CTNNA2: variants seen among roughly 807,000 people sequenced by gnomAD.
The protein encoded by CTNNA2 is catenin alpha 2.
CTNNA2 carries 42 observed loss-of-function variants against 101.0 expected under a neutral mutation model. The observed-to-expected ratio is 0.42, with a 90% CI of 0.32 to 0.54. The LOEUF (loss-of-function observed/expected upper bound fraction) is 0.54, where lower values mean the gene tolerates loss of function less well. Among genes scored for constraint, CTNNA2 ranks in the 20% least tolerant of loss-of-function variants. The probability of loss-of-function intolerance (pLI) is 0.14; values close to 1 mark genes in which losing one functional copy is unlikely to be tolerated. For missense variants in CTNNA2, 871 were observed against 1,223.1 expected (o/e 0.71, Z 4.29); for synonymous variants, 450 against 456.4 (o/e 0.99, Z 0.18).
intron 2 of CTNNA2, among the ~76,000 whole-genome samples, chr2:79,305,693 C>T (rs1403419780): frequency 1.3e-5 from 2 of 152,166 alleles, no homozygotes; most frequent in Admixed American, 1.3e-4. Flanking sequence ...TAACATAGAT[C>T]AATCTATAGA....
intron 2 of CTNNA2, among the ~76,000 whole-genome samples, chr2:79,221,628 A>G (rs980427443): frequency 6.6e-6 from 1 of 152,062 alleles, no homozygotes; most frequent in African/African-American, 2.4e-5. Context: ...AAAAACTGAC[A>G]AGTCTGTATT....
intron 1 of CTNNA2, among the ~76,000 whole-genome samples, chr2:79,561,700 A>T (rs190023463): frequency 1.3e-5 from 2 of 151,980 alleles, no homozygotes; most frequent in East Asian, 3.9e-4. Context: ...GCATTTTTCT[A>T]GTATGACTCA....
chr2:79,375,193 A>G (rs1191337498), intron 4 of CTNNA2, among the ~76,000 whole-genome samples: 1 of 152,160 alleles, frequency 6.6e-6, no homozygotes, highest in African/African-American at 2.4e-5. Flanking sequence ...TTAAAAAACC[A>G]TACGCTTTAC....
In CTNNA2 at chr2:80,138,977, A is replaced by G. The variant is rs184628878; in HGVS notation, c.1056+229180A>G. On this transcript the variant is annotated intron_variant, in intron 7 of 18. Coordinates refer to ENST00000402739, the MANE Select transcript of CTNNA2 (RefSeq NM_001282597.3). ...CAATTTCCATGTTGACTATATGGTG[A>G]TAATTCTACCAAATGTTTACTTCCC... Among the ~76,000 whole-genome samples the G allele has an allele frequency of 7.9e-5, 12 of 152,262 alleles. No homozygotes were observed. In the East Asian group the frequency reaches 2.3e-3, roughly 29 times the overall value.
Position 79,930,740 on chromosome 2 carries a change from G to T in CTNNA2, c.1056+20943G>T, listed in dbSNP as rs542664803. ...TTCTATGAAGTCATTCCTAATGTGA[G>T]TCCATTCCTCTAGGGAGGTCAACTC... On this transcript the variant is annotated intron_variant, in intron 7 of 18. Transcript: ENST00000402739. Among the ~76,000 whole-genome samples, 37 of 152,320 alleles carry T rather than the reference G, an allele frequency of 2.4e-4. No individual in the cohort carries two copies. The South Asian group carries it at 3.7e-3, about 15-fold the overall frequency.
chr2:80,127,984 A>G (rs979511129), intron 7 of CTNNA2, among the ~76,000 whole-genome samples: 1 of 152,018 alleles, frequency 6.6e-6, no homozygotes, highest in African/African-American at 2.4e-5. Context: ...ATGTTTTGCA[A>G]ACTTTTGGAC....
intron 3 of CTNNA2, among the ~76,000 whole-genome samples, chr2:79,366,830 A>G (rs980792555): frequency 6.6e-6 from 1 of 152,256 alleles, no homozygotes; most frequent in African/African-American, 2.4e-5. Context: ...TAAAATGTAT[A>G]GTATATCAGA....
At chr2:79,209,244 C>G (rs933609010) in intron 2 of CTNNA2, among the ~76,000 whole-genome samples, 2 of 152,116 alleles carry the variant, frequency 1.3e-5, no homozygotes, top group Non-Finnish European at 2.9e-5. Context: ...GAAAAGTATA[C>G]ATTGTATCTA....
intron 1 of CTNNA2, among the ~76,000 whole-genome samples, chr2:79,521,657 A>C (rs894007792): frequency 2.0e-5 from 3 of 152,082 alleles, no homozygotes; most frequent in African/African-American, 7.2e-5. Context: ...GAGGTAAATG[A>C]TTGTTGGGTA....
chr2:79,199,004 C>T (rs1202630208), intron 2 of CTNNA2, among the ~76,000 whole-genome samples: 4 of 152,170 alleles, frequency 2.6e-5, no homozygotes, highest in African/African-American at 7.2e-5. Context: ...TGGAAGCAAA[C>T]TGACTTTCTC....
chr2:79,604,626 T>A (rs556854638), intron 1 of CTNNA2, among the ~76,000 whole-genome samples: 2 of 152,168 alleles, frequency 1.3e-5, no homozygotes, highest in African/African-American at 2.4e-5. Flanking sequence ...TGTGTACATG[T>A]GAGGAAGAGA....
At chr2:79,708,092 G>T (rs1685502864) in intron 2 of CTNNA2, among the ~76,000 whole-genome samples, 1 of 152,164 alleles carries the variant, frequency 6.6e-6, no homozygotes, top group Non-Finnish European at 1.5e-5. Flanking sequence ...CCCAAGTATT[G>T]TGGTAATGCC....
chr2:80,406,781 T>C (rs1415562865), intron 8 of CTNNA2, among the ~76,000 whole-genome samples: 3 of 136,602 alleles, frequency 2.2e-5, no homozygotes, highest in African/African-American at 8.3e-5. Context: ...GAGCCAAGAT[T>C]GGGCCACTGC....
chr2:79,467,273 A>G (rs1322379222), intron 4 of CTNNA2, among the ~76,000 whole-genome samples: 1 of 152,234 alleles, frequency 6.6e-6, no homozygotes, highest in African/African-American at 2.4e-5. Context: ...AAGAAAGGGT[A>G]TCAGTGACTG....
At chr2:80,024,234 T>C (rs1039159408) in intron 7 of CTNNA2, among the ~76,000 whole-genome samples, 2 of 152,112 alleles carry the variant, frequency 1.3e-5, no homozygotes, top group Non-Finnish European at 2.9e-5. Flanking sequence ...TAGAACAATA[T>C]GTAAGAGGGA....
intron 2 of CTNNA2, among the ~76,000 whole-genome samples, chr2:79,260,046 C>T (rs184262886): frequency 2.6e-5 from 4 of 152,308 alleles, no homozygotes; most frequent in East Asian, 1.9e-4. Context: ...CACTTAGTCA[C>T]TTCTGACTTA....
intron 7 of CTNNA2, among the ~76,000 whole-genome samples, chr2:80,366,548 G>T (rs544791722): frequency 6.6e-6 from 1 of 152,080 alleles, no homozygotes. Flanking sequence ...AGATCTAGCC[G>T]ATGAAGGCTG....
chr2:80,474,282 T>A (rs1472124287), intron 9 of CTNNA2, among the ~76,000 whole-genome samples: 1 of 152,228 alleles, frequency 6.6e-6, no homozygotes, highest in East Asian at 1.9e-4. Flanking sequence ...GGTTGGCTTT[T>A]GTTGGCACTG....
intron 2 of CTNNA2, among the ~76,000 whole-genome samples, chr2:79,238,277 C>T (rs56929434): frequency 0.035 from 5,403 of 152,246 alleles, 264 homozygotes; most frequent in African/African-American, 0.11. Flanking sequence ...TCGGAACACA[C>T]ACAACATTTA....
Sources: gnomAD v4.1 joint callset for allele counts (sites outside exome capture counted in the v4.1 genomes callset) on GRCh38, gnomAD v4.1.1 for gene constraint, MANE v1.5 for transcripts, NCBI Gene and HGNC (gene_info 2026-07-23, HGNC 2026-07-21) for gene names.